Variants in KIFC3 observed in about 807,000 individuals in gnomAD.
The protein encoded by KIFC3 is kinesin family member C3.
Under a neutral mutation model 101.8 loss-of-function variants are expected in KIFC3, and 60 were observed. The ratio of observed to expected loss-of-function variants is 0.59; its 90% CI spans 0.48 to 0.73. The LOEUF (loss-of-function observed/expected upper bound fraction) is 0.73. Ranked by LOEUF, KIFC3 falls within the 30% of genes least tolerant of loss-of-function variation. The pLI, the probability that KIFC3 is intolerant of heterozygous loss-of-function variation, is 0.00. For missense variants in KIFC3, 966 were observed against 1,137.1 expected, an observed-to-expected ratio of 0.85 and a Z score of 2.16; for synonymous variants, 476 against 482.7, an observed-to-expected ratio of 0.99 and a Z score of 0.18.
rs188556701 is a variant in KIFC3 at position 57,767,707 on chromosome 16, A to G, written c.1219-722T>C. Among the ~76,000 whole-genome samples the G allele has an allele frequency of 2.3e-3, 357 of 152,078 alleles. 4 individuals carry two copies. The highest frequency in any genetic ancestry group is 8.2e-3 in the African/African-American group (341 of 41,492). On this transcript the variant is annotated intron_variant, in intron 9 of 19. Transcript: ENST00000445690. ...TGGAAGTGCAATCACAGCTCCATGG[A>G]TGTGGTGGAAACTCATTGTGAGTGG...
At chr16:57,855,862 C>G (rs867123962) in intron 1 of KIFC3, among the ~76,000 whole-genome samples, 1 of 151,046 alleles carries the variant, frequency 6.6e-6, no homozygotes, top group Admixed American at 6.6e-5. Context: ...AGAAGAATCG[C>G]TTGAACCTGG....
chr16:57,839,378 A>G (rs1376960835), intron 1 of KIFC3, among the ~76,000 whole-genome samples: 1 of 150,868 alleles, frequency 6.6e-6, no homozygotes, highest in Admixed American at 6.6e-5. Flanking sequence ...CATCTCTACA[A>G]AAAGGAAAAA....
At chr16:57,828,112 T>C (rs2055496124) in intron 1 of KIFC3, among the ~76,000 whole-genome samples, 1 of 152,224 alleles carries the variant, frequency 6.6e-6, no homozygotes, top group Admixed American at 6.5e-5. Flanking sequence ...TTGGAGGCTC[T>C]TCCCTGAGCA....
In KIFC3 at chr16:57,761,175, G is replaced by C. The variant is rs2049805998; in HGVS notation, c.1873-4C>G. ...TAGTGTGGCCAAACTCAAACACCTG[G>C]GGGATTGGGAGGAGGGCAGAGGCAC... On this transcript the variant is annotated splice_region_variant and splice_polypyrimidine_tract_variant and intron_variant, in intron 14 of 19. Transcript: ENST00000445690. 1.2e-6 allele frequency: 2 copies of C among 1,613,636 alleles called. No individual in the cohort carries two copies. Among genetic ancestry groups the C allele is most frequent in the Non-Finnish European group, 1.7e-6 (2 of 1,179,900 alleles).
chr16:57,845,006 T>C (rs1448895190), intron 1 of KIFC3, among the ~76,000 whole-genome samples: 1 of 152,192 alleles, frequency 6.6e-6, no homozygotes, highest in African/African-American at 2.4e-5. Context: ...CTGCAGCCCA[T>C]ATGGTCTTGA....
Position 57,759,485 on chromosome 16 carries a change from G to A in KIFC3, c.2476+243C>T, listed in dbSNP as rs926289328. Reference sequence around the variant, plus strand: ...GGGTAGAGTCAGCACCCCCGGCTGAGAGGCTGGGGTCTCCTTACACTGCCC... The same window carrying A: ...GGGTAGAGTCAGCACCCCCGGCTGAAAGGCTGGGGTCTCCTTACACTGCCC... On this transcript the variant is annotated intron_variant, in intron 18 of 19. Coordinates refer to ENST00000445690, the MANE Select transcript of KIFC3 (RefSeq NM_001130100.2). 7.1e-5 allele frequency: 41 copies of A among 578,618 alleles called. No homozygotes were observed. In the Admixed American group the frequency reaches 1.2e-3, roughly 17 times the overall value. 35.8% of individuals were successfully genotyped at this position (578,618 alleles called of 1,614,324 possible).
At chr16:57,783,565 C>T (rs950593967) in intron 3 of KIFC3, among the ~76,000 whole-genome samples, 3 of 151,024 alleles carry the variant, frequency 2.0e-5, no homozygotes, top group African/African-American at 4.9e-5. Flanking sequence ...CTTTCCCTCC[C>T]GGGTTCAAGC....
intron 3 of KIFC3, chr16:57,776,220 G>C: frequency 1.0e-6 from 1 of 985,528 alleles, no homozygotes; most frequent in Non-Finnish European, 1.2e-6. Flanking sequence ...GAAGGCCAGA[G>C]GGTCTGGGAT....
intron 3 of KIFC3, among the ~76,000 whole-genome samples, chr16:57,780,587 A>C (rs1474271635): frequency 3.3e-5 from 5 of 150,708 alleles, no homozygotes; most frequent in Admixed American, 6.6e-5. Context: ...TTAAAAAAAA[A>C]AAAAAGAAGA....
intron 2 of KIFC3, among the ~76,000 whole-genome samples, 159 bp from the exon 3 acceptor site, chr16:57,795,300 CCCT>C (rs1323929322): frequency 6.6e-6 from 1 of 152,222 alleles, no homozygotes; most frequent in Non-Finnish European, 1.5e-5. Flanking sequence ...AAAACGCCTG[CCCT>C]GCAGAGGGGA....
At position 57,771,186 on chromosome 16, in the gene KIFC3, G is replaced by A. The variant is rs2051148198; in HGVS notation, c.765+12C>T. On this transcript the variant is annotated intron_variant, in intron 6 of 19. Coordinates refer to ENST00000445690, the MANE Select transcript of KIFC3 (RefSeq NM_001130100.2). ...TTGGGCTGAGGCACAGATCAGGTGG[G>A]CCAGGGCTCACCTTGACAGGTGGGG... 1 of 1,611,346 alleles carries A rather than the reference G, an allele frequency of 6.2e-7. No homozygotes were observed. Among genetic ancestry groups the A allele is most frequent in the African/African-American group, 1.3e-5 (1 of 75,026 alleles).
Position 57,760,823 on chromosome 16 carries a change from C to T in KIFC3, c.2135G>A (p.Arg712His), listed in dbSNP as rs1480413693. The change falls in exon 16 of 20, where the codon CGC becomes CAC. Residue 712 changes from arginine (R) to histidine (H), a missense_variant. Coordinates refer to ENST00000445690, the MANE Select transcript of KIFC3 (RefSeq NM_001130100.2). ...SALGDVIAAL[R>H]SRQGHVPFRN... The stretch of plus-strand genomic sequence containing the variant: ...GAAGGGCACGTGGCCCTGGCGGGAG[C>T]GCAGGGCAGCAATGACGTCCCCCAG... 3.1e-6 allele frequency: 5 copies of T among 1,613,316 alleles called. No individual in the cohort carries two copies. The highest frequency in any genetic ancestry group is 1.7e-5 in the Admixed American group (1 of 60,002).
At chr16:57,806,825 G>A (rs112272903), upstream of KIFC3, among the ~76,000 whole-genome samples, 519 of 152,304 alleles carry the variant, frequency 3.4e-3, 2 homozygotes, top group African/African-American at 0.012. Flanking sequence ...GGAGTGAGCC[G>A]CATATTAAGT....
At chr16:57,813,815 G>T in intron 1 of KIFC3, 1 of 985,456 alleles carries the variant, frequency 1.0e-6, no homozygotes, top group Non-Finnish European at 1.2e-6. Flanking sequence ...CATCTCCAGA[G>T]TCACAGCCTG....
chr16:57,824,164 G>A (rs2055412592), intron 1 of KIFC3, among the ~76,000 whole-genome samples: 1 of 152,160 alleles, frequency 6.6e-6, no homozygotes, highest in Non-Finnish European at 1.5e-5. Context: ...AGGATGGTCA[G>A]TCAGCCTAAT....
At chr16:57,817,645 C>A (rs1483819647) in intron 1 of KIFC3, among the ~76,000 whole-genome samples, 1 of 152,162 alleles carries the variant, frequency 6.6e-6, no homozygotes, top group Non-Finnish European at 1.5e-5. Flanking sequence ...AGGAGGACAC[C>A]AGTCATATTG....
chr16:57,852,541 C>T (rs1307916057), intron 1 of KIFC3, among the ~76,000 whole-genome samples: 4 of 152,346 alleles, frequency 2.6e-5, no homozygotes, highest in African/African-American at 2.4e-5. Context: ...GATTCCTTAA[C>T]ACCTTTCGTC....
rs1191334568 is a variant in KIFC3, at chr16:57,780,667, A to ATTTTTTTTTTTTTT, written c.316-8393_316-8380dup. 4.7e-4 allele frequency among the ~76,000 whole-genome samples: 33 copies of ATTTTTTTTTTTTTT among 69,956 alleles called. 4 individuals carry two copies. In the South Asian group the frequency reaches 7.7e-3, roughly 16 times the overall value. 45.9% of individuals were successfully genotyped at this position (69,956 alleles called of 152,430 possible). A position where few individuals can be genotyped will look rare whatever the true frequency, so the allele number is the denominator to read the frequency against. On this transcript the variant is annotated intron_variant, in intron 3 of 19. Transcript: ENST00000445690. ...TCCAGCCTGTGGTCTCTGAAGACAA[A>ATTTTTTTTTTTTTT]TTTTTTTTTTTTTTTTTTTTTTTTT...
At chr16:57,778,279 CAAAACAA>C (rs2052351353) in intron 3 of KIFC3, among the ~76,000 whole-genome samples, 2 of 151,900 alleles carry the variant, frequency 1.3e-5, no homozygotes, top group African/African-American at 4.8e-5. Flanking sequence ...GATCTTGTGT[CAAAACAA>C]AAAACAAAAA....
Sources: allele counts gnomAD v4.1 joint callset (sites outside exome capture counted in the v4.1 genomes callset), GRCh38; gene constraint gnomAD v4.1.1; transcripts MANE v1.5; gene names NCBI Gene and HGNC (gene_info 2026-07-23, HGNC 2026-07-21).